The following NOL4 variants were observed in gnomAD, a reference collection of about 807,000 sequenced individuals.
NOL4 encodes nucleolar protein 4.
In NOL4, 17 loss-of-function variants were observed where a neutral mutation model predicts 75.9. The observed-to-expected ratio is 0.22, with a 90% CI of 0.15 to 0.34. The LOEUF (loss-of-function observed/expected upper bound fraction) is 0.34. Ranked by LOEUF, NOL4 falls within the 10% of genes least tolerant of loss-of-function variation. The pLI is 1.00. For missense variants in NOL4, 614 were observed against 793.5 expected (o/e 0.77, Z 2.72); for synonymous variants, 292 against 289.9 (o/e 1.01, Z -0.07).
At chr18:34,115,184 AGTAAGCACT>A (rs2079793516) in intron 2 of NOL4, among the ~76,000 whole-genome samples, 1 of 152,172 alleles carries the variant, frequency 6.6e-6, no homozygotes, top group Non-Finnish European at 1.5e-5. Context: ...AGTGGGTCCC[AGTAAGCACT>A]GTGGGCCCTA....
At chr18:33,875,784 C>G (rs1402486023) in intron 10 of NOL4, among the ~76,000 whole-genome samples, 1 of 151,990 alleles carries the variant, frequency 6.6e-6, no homozygotes, top group Non-Finnish European at 1.5e-5. Flanking sequence ...TTATTGAGCA[C>G]TTGCTATATG....
intron 5 of NOL4, among the ~76,000 whole-genome samples, chr18:34,069,550 C>T (rs948228381): frequency 6.6e-6 from 1 of 151,772 alleles, no homozygotes. Flanking sequence ...AGAAGCTCAA[C>T]AAACACTAAG....
At chr18:34,222,871 G>A (rs971091643) in intron 1 of NOL4, 119 bp downstream of exon 1, 4 of 1,352,774 alleles carry the variant, frequency 3.0e-6, no homozygotes, top group Non-Finnish European at 4.0e-6. Context: ...GTTGAGGAAG[G>A]TAGGGGGCAC....
At chr18:33,952,450 A>G (rs961354904) in intron 8 of NOL4, among the ~76,000 whole-genome samples, 3 of 152,200 alleles carry the variant, frequency 2.0e-5, no homozygotes, top group African/African-American at 7.2e-5. Flanking sequence ...AAGGGATAGA[A>G]AGGTACCATA....
chr18:34,004,923 T>C (rs1160948017), intron 6 of NOL4, among the ~76,000 whole-genome samples: 1 of 152,098 alleles, frequency 6.6e-6, no homozygotes, highest in Non-Finnish European at 1.5e-5. Context: ...TCTCCTTGCT[T>C]TTCTTGATGC....
At chr18:33,978,606 G>A (rs2071692918) in intron 6 of NOL4, among the ~76,000 whole-genome samples, 1 of 152,026 alleles carries the variant, frequency 6.6e-6, no homozygotes, top group Admixed American at 6.6e-5. Flanking sequence ...TAATTTAGAT[G>A]TATAATGTCA....
intron 1 of NOL4, among the ~76,000 whole-genome samples, chr18:34,130,626 C>T (rs2080596216): frequency 6.6e-6 from 1 of 152,048 alleles, no homozygotes; most frequent in Non-Finnish European, 1.5e-5. Context: ...GTGCAAATCA[C>T]TTAAACTTCT....
intron 5 of NOL4, among the ~76,000 whole-genome samples, chr18:34,028,772 T>C (rs1344576215): frequency 6.6e-6 from 1 of 152,190 alleles, no homozygotes; most frequent in Non-Finnish European, 1.5e-5. Flanking sequence ...ATTTGCATGG[T>C]AAAATTTGAA....
intron 5 of NOL4, among the ~76,000 whole-genome samples, chr18:34,040,076 C>T (rs1171837287): frequency 6.6e-6 from 1 of 151,906 alleles, no homozygotes; most frequent in Non-Finnish European, 1.5e-5. Context: ...TTTCAATTTA[C>T]AATAGGTCTG....
At chr18:33,944,579 C>T (rs2068716432) in intron 8 of NOL4, among the ~76,000 whole-genome samples, 1 of 151,778 alleles carries the variant, frequency 6.6e-6, no homozygotes, top group Admixed American at 6.6e-5. Flanking sequence ...CCCCATGGGA[C>T]ATCTCAAATG....
chr18:34,086,573 T>G (rs2078252931), intron 5 of NOL4, among the ~76,000 whole-genome samples: 1 of 152,176 alleles, frequency 6.6e-6, no homozygotes, highest in Non-Finnish European at 1.5e-5. Context: ...CCAATGAAAT[T>G]AAATGGTGAA....
At chr18:33,917,351 G>C (rs2066782661) in intron 9 of NOL4, among the ~76,000 whole-genome samples, 1 of 152,064 alleles carries the variant, frequency 6.6e-6, no homozygotes, top group Admixed American at 6.6e-5. Flanking sequence ...AAGGGGTACA[G>C]TTCTGTCTGA....
chr18:33,883,915 A>G (rs2064472568), intron 9 of NOL4, among the ~76,000 whole-genome samples: 2 of 152,108 alleles, frequency 1.3e-5, no homozygotes, highest in East Asian at 1.9e-4. Flanking sequence ...TCAAAGACAA[A>G]GAAACATAAA....
chr18:34,044,328 A>C (rs1369791482), intron 5 of NOL4, among the ~76,000 whole-genome samples: 4 of 152,096 alleles, frequency 2.6e-5, no homozygotes, highest in African/African-American at 9.6e-5. Flanking sequence ...TTGGATAATT[A>C]CTACAAAATG....
At chr18:34,131,053 T>TAC (rs1181691737) in intron 1 of NOL4, among the ~76,000 whole-genome samples, 23 of 137,140 alleles carry the variant, frequency 1.7e-4, no homozygotes, top group African/African-American at 5.5e-4. Flanking sequence ...CACATACACA[T>TAC]ACACACACAC....
intron 6 of NOL4, among the ~76,000 whole-genome samples, chr18:34,014,482 A>G (rs1318720710): frequency 6.6e-6 from 1 of 152,070 alleles, no homozygotes; most frequent in African/African-American, 2.4e-5. Context: ...AACAAAAATT[A>G]AAAAGTCAAT....
rs60017439 is a variant in NOL4, at chr18:34,095,251, ATGTG to A, written c.640-1658_640-1655del. Among the ~76,000 whole-genome samples, 230 of 144,500 alleles carry A rather than the reference ATGTG, an allele frequency of 1.6e-3. 1 individual carries two copies. Among genetic ancestry groups the A allele is most frequent in the African/African-American group, 4.1e-3 (161 of 39,108 alleles). 94.8% of individuals were successfully genotyped at this position (144,500 alleles called of 152,430 possible). On this transcript the variant is annotated intron_variant, in intron 4 of 10. Transcript: ENST00000261592. ...ACTCCAATTCTAAATTCTAATGTGT[ATGTG>A]TGTGTGTGTGTGTGTGTGTGTGTGT...
At chr18:34,189,573 C>T (rs1453754388) in intron 1 of NOL4, among the ~76,000 whole-genome samples, 1 of 152,086 alleles carries the variant, frequency 6.6e-6, no homozygotes, top group East Asian at 1.9e-4. Flanking sequence ...CAAAGAATCC[C>T]TATTAATGAA....
At chr18:34,140,828 T>A (rs1447378829) in intron 1 of NOL4, among the ~76,000 whole-genome samples, 4 of 152,166 alleles carry the variant, frequency 2.6e-5, no homozygotes, top group Admixed American at 6.6e-5. Flanking sequence ...TGGTTGTTCC[T>A]TTCCATGTTT....
Sources: allele counts gnomAD v4.1 joint callset (sites outside exome capture counted in the v4.1 genomes callset), GRCh38; gene constraint gnomAD v4.1.1; transcripts MANE v1.5; gene names NCBI Gene and HGNC (gene_info 2026-07-23, HGNC 2026-07-21).